Variants in HNF4G observed in about 807,000 individuals in gnomAD.
HNF4G encodes hepatocyte nuclear factor 4-gamma.
Under a neutral mutation model 50.9 loss-of-function variants are expected in HNF4G, and 21 were observed. That is an observed-to-expected ratio of 0.41 (90% CI 0.29 to 0.59). The LOEUF is 0.59. HNF4G is among the 20% of genes least tolerant of loss of function. The pLI is 0.26. For synonymous variants in HNF4G, 198 were observed against 185.6 expected (o/e 1.07, Z -0.54); for missense variants, 527 against 559.4 (o/e 0.94, Z 0.58).
chr8:75,441,990 T>C (rs1811297736), intron 1 of HNF4G, among the ~76,000 whole-genome samples: 1 of 152,254 alleles, frequency 6.6e-6, no homozygotes, highest in African/African-American at 2.4e-5. Context: ...AAATAAAGCA[T>C]TCTTGTGTCC....
Position 75,539,998 on chromosome 8 carries a change from C to G in HNF4G, c.36C>G (p.Asp12Glu), listed in dbSNP as rs1213710713. 2 of 1,600,242 alleles carry G rather than the reference C, an allele frequency of 1.2e-6. No individual in the cohort carries two copies. The highest frequency in any genetic ancestry group is 1.7e-6 in the Non-Finnish European group (2 of 1,167,678). ...TATCAGAACCAATACTGGACATGGA[C>G]ATGGCAAATTACAGTGAAGTTTTGG... ...MRVSEPILDM[D>E]MANYSEVLDP... The change falls in exon 1 of 10, where the codon GAC becomes GAG. Residue 12 changes from aspartate (D) to glutamate (E), a missense_variant. This residue lies in a region of HNF4G where 84 missense variants were observed against 87.1 expected (regional missense o/e 0.96). Coordinates refer to ENST00000396423, the MANE Select transcript of HNF4G (RefSeq NM_004133.5).
Position 75,442,253 on chromosome 8 carries a change from A to G in HNF4G, c.-144+34091A>G, listed in dbSNP as rs746554726. 5.3e-5 allele frequency among the ~76,000 whole-genome samples: 8 copies of G among 152,286 alleles called. No homozygotes were observed. The South Asian group carries it at 6.2e-4, about 12-fold the overall frequency. On this transcript the variant is annotated intron_variant, in intron 1 of 10. Coordinates refer to the HNF4G transcript ENST00000354370. ...CCAGGGCACATCGAAATTACTGTTC[A>G]TTCTCTACTTTATAGCCTGGGTATC...
intron 1 of HNF4G, among the ~76,000 whole-genome samples, chr8:75,420,185 T>G (rs1436832170): frequency 6.6e-6 from 1 of 152,222 alleles, no homozygotes; most frequent in African/African-American, 2.4e-5. Context: ...AATATTAACT[T>G]CAATTGGGCC....
At chr8:75,563,906 A>G (rs1807389547) in intron 9 of HNF4G, 69 bp from the exon 10 acceptor site, 1 of 1,551,560 alleles carries the variant, frequency 6.4e-7, no homozygotes, top group South Asian at 1.2e-5. Context: ...TATTGGTGTT[A>G]TGTAGGGTTT....
intron 1 of HNF4G, among the ~76,000 whole-genome samples, chr8:75,410,670 A>T (rs2926602): frequency 0.49 from 74,308 of 151,966 alleles, 18,439 homozygotes; most frequent in Middle Eastern, 0.57. Context: ...TTTTCCTTCC[A>T]AAGAGAAGAT....
At chr8:75,454,228 G>T (rs143838311) in intron 1 of HNF4G, among the ~76,000 whole-genome samples, 295 of 152,132 alleles carry the variant, frequency 1.9e-3, no homozygotes, top group African/African-American at 6.7e-3. Context: ...AATTCTGCTA[G>T]CACCCTGATT....
intron 4 of HNF4G, 46 bp downstream of exon 4, chr8:75,551,540 T>A (rs888417824): frequency 8.9e-7 from 1 of 1,126,520 alleles, no homozygotes. Flanking sequence ...TAAAATCAAA[T>A]GTCCATGTAG....
At chr8:75,557,296 T>A (rs1807156929) in intron 6 of HNF4G, among the ~76,000 whole-genome samples, 1 of 152,210 alleles carries the variant, frequency 6.6e-6, no homozygotes, top group African/African-American at 2.4e-5. Context: ...TTTACTATGG[T>A]AATTATTTCA....
Position 75,533,371 on chromosome 8 carries a change from G to C in HNF4G, c.-23-10440G>C, listed in dbSNP as rs77486289. On this transcript the variant is annotated intron_variant, in intron 2 of 10. Transcript: ENST00000354370. The stretch of plus-strand genomic sequence containing the variant: ...ACCTCCAGACTTTCTGATTTAATTC[G>C]TGTCTGATGCAACTTGAACCTTGGG... Among the ~76,000 whole-genome samples the C allele has an allele frequency of 4.6e-5, 7 of 152,020 alleles. No homozygotes were observed. The East Asian group carries it at 1.4e-3, about 29-fold the overall frequency.
intron 1 of HNF4G, among the ~76,000 whole-genome samples, chr8:75,541,516 T>A (rs909233110): frequency 1.3e-5 from 2 of 152,164 alleles, no homozygotes; most frequent in Admixed American, 6.5e-5. Context: ...CTCATTAAAA[T>A]TTTTTTCTAC....
rs987781757 is a variant in HNF4G at position 75,409,374 on chromosome 8, C to T, written c.-144+1212C>T. Reference sequence around the variant, plus strand: ...CTCACAAATATTGCATTTTTAATCACGGTTATAGGCATATGGGATAGCGCA... The same window carrying T: ...CTCACAAATATTGCATTTTTAATCATGGTTATAGGCATATGGGATAGCGCA... On this transcript the variant is annotated intron_variant, in intron 1 of 10. Coordinates refer to the HNF4G transcript ENST00000354370. Among the ~76,000 whole-genome samples the T allele has an allele frequency of 7.3e-5, 11 of 150,462 alleles. No individual in the cohort carries two copies. In the South Asian group the frequency reaches 1.3e-3, roughly 17 times the overall value.
chr8:75,451,433 G>A (rs1455694891), intron 1 of HNF4G, among the ~76,000 whole-genome samples: 1 of 152,008 alleles, frequency 6.6e-6, no homozygotes, highest in Non-Finnish European at 1.5e-5. Flanking sequence ...ATGTCATGGA[G>A]CTTTTCCCCT....
intron 6 of HNF4G, among the ~76,000 whole-genome samples, chr8:75,556,304 G>C (rs1200056229): frequency 6.6e-6 from 1 of 152,058 alleles, no homozygotes; most frequent in Non-Finnish European, 1.5e-5. Context: ...AAATAAAAAA[G>C]AGATGTTGCT....
At chr8:75,537,048 C>T (rs903100772), upstream of HNF4G, among the ~76,000 whole-genome samples, 1 of 152,066 alleles carries the variant, frequency 6.6e-6, no homozygotes, top group Admixed American at 6.6e-5. Flanking sequence ...CTAAAGTACT[C>T]AATTTCCTTT....
chr8:75,410,311 C>A (rs951694506), intron 1 of HNF4G, among the ~76,000 whole-genome samples: 5 of 152,090 alleles, frequency 3.3e-5, no homozygotes, highest in Non-Finnish European at 7.4e-5. Flanking sequence ...ACCATGCTTG[C>A]CAACACTATA....
In HNF4G at chr8:75,540,025, C is replaced by A. The variant is rs377418053; in HGVS notation, c.63C>A (p.Asp21Glu). Reference protein sequence around the residue: ...MDMANYSEVLDPTYTTLEFET... With the variant: ...MDMANYSEVLEPTYTTLEFET... ...TGGCAAATTACAGTGAAGTTTTGGA[C>A]CCAACTTACACAACTTTGGAGTTTG... Residue 21 changes from aspartate (D) to glutamate (E), a missense_variant, in exon 1 of 10, where the codon GAC (aspartate) becomes GAA (glutamate). This residue lies in a region of HNF4G where 84 missense variants were observed against 87.1 expected (regional missense o/e 0.96). Transcript: ENST00000396423. 6.2e-7 allele frequency: 1 copy of A among 1,609,222 alleles called. No individual in the cohort carries two copies. The highest frequency in any genetic ancestry group is 8.5e-7 in the Non-Finnish European group (1 of 1,175,836).
chr8:75,410,178 T>G (rs1406973738), intron 1 of HNF4G, among the ~76,000 whole-genome samples: 2 of 152,226 alleles, frequency 1.3e-5, no homozygotes, highest in Non-Finnish European at 2.9e-5. Flanking sequence ...TGAATATCTA[T>G]GTACATTATC....
intron 1 of HNF4G, among the ~76,000 whole-genome samples, chr8:75,489,093 A>G (rs1585888816): frequency 1.3e-5 from 2 of 152,320 alleles, no homozygotes; most frequent in Middle Eastern, 6.8e-3. Flanking sequence ...CCCAGAAGCC[A>G]CAATAGCATC....
intron 2 of HNF4G, among the ~76,000 whole-genome samples, chr8:75,507,177 A>G (rs1019128140): frequency 2.0e-5 from 3 of 152,086 alleles, no homozygotes; most frequent in African/African-American, 7.2e-5. Context: ...TATGTAATCT[A>G]TCTACTTAAT....
Sources: gnomAD v4.1 joint callset for allele counts (sites outside exome capture counted in the v4.1 genomes callset) on GRCh38, gnomAD v4.1.1 for gene constraint, gnomAD v4.1.1 regional missense constraint, MANE v1.5 for transcripts, NCBI Gene and HGNC (gene_info 2026-07-23, HGNC 2026-07-21) for gene names.